The following XBP1 variants were observed in gnomAD, a reference collection of about 807,000 sequenced individuals.
The protein encoded by XBP1 is X-box-binding protein 1.
A neutral mutation model predicts 34.6 loss-of-function variants in XBP1; 18 were observed. The ratio of observed to expected loss-of-function variants is 0.52; its 90% CI spans 0.36 to 0.77. The LOEUF (loss-of-function observed/expected upper bound fraction) is 0.77. XBP1 is among the 30% of genes least tolerant of loss of function. XBP1 has a pLI of 0.00. For missense variants in XBP1, 422 were observed against 464.6 expected (o/e 0.91, Z 0.84); for synonymous variants, 191 against 193.4 (o/e 0.99, Z 0.11).
chr22:28,798,994 T>C (rs1347338983), intron 2 of XBP1, 63 bp downstream of exon 2: 4 of 1,352,222 alleles, frequency 3.0e-6, no homozygotes, highest in African/African-American at 1.4e-5. Flanking sequence ...GAAGCAAATA[T>C]CAGAACATTC....
chr22:28,797,437 GACT>G (rs1034690344), intron 2 of XBP1, among the ~76,000 whole-genome samples: 16 of 152,016 alleles, frequency 1.1e-4, no homozygotes, highest in Admixed American at 1.0e-3. Context: ...TACTAATACT[GACT>G]TCAGCAAAGG....
intron 3 of XBP1, chr22:28,796,497 G>T: frequency 4.3e-6 from 1 of 234,102 alleles, no homozygotes; most frequent in Non-Finnish European, 8.2e-6. Context: ...CAATGGTTAG[G>T]GAAAGATTTC....
exon 6 of XBP1, chr22:28,795,606 C>T: frequency 6.2e-7 from 1 of 1,614,088 alleles, no homozygotes; most frequent in South Asian, 1.1e-5. Flanking sequence ...GAAAGGGAGG[C>T]TGGTAAGGAA....
rs1226953170 is a variant in XBP1 at position 28,799,990 on chromosome 22, A to G, written c.227+308T>C. 1.2e-5 allele frequency: 9 copies of G among 779,626 alleles called. No individual in the cohort carries two copies. The East Asian group carries it at 1.9e-4, about 17-fold the overall frequency. The allele number at this position is 779,626 out of a possible 1,614,324, so 48.3% of individuals were successfully genotyped here. A position where few individuals can be genotyped will look rare whatever the true frequency, so the allele number is the denominator to read the frequency against. On this transcript the variant is annotated intron_variant, in intron 1 of 5. Transcript: ENST00000344347. ...GTCCGAGTTAAGAGGCTGAACCACC[A>G]GTCTGCGGCCACACAGCAAGAGGGC...
At chr22:28,795,837 G>T in intron 5 of XBP1, 105 bp from the exon 6 acceptor site, 1 of 1,319,972 alleles carries the variant, frequency 7.6e-7, no homozygotes, top group Non-Finnish European at 1.0e-6. Context: ...GTCATTATGT[G>T]ATAAGATGAC....
intron 1 of XBP1, 103 bp downstream of exon 1, chr22:28,800,195 C>T: frequency 1.5e-6 from 2 of 1,358,528 alleles, no homozygotes; most frequent in Non-Finnish European, 2.0e-6. Context: ...CGACGGAGCC[C>T]TGCGGGGCGG....
chr22:28,798,135 G>A (rs987047942), intron 2 of XBP1, among the ~76,000 whole-genome samples: 2 of 152,136 alleles, frequency 1.3e-5, no homozygotes, highest in Non-Finnish European at 2.9e-5. Context: ...TAAAGTTTAA[G>A]CAATTATTTC....
At chr22:28,795,024 G>C (rs1316790370), downstream of XBP1, 1 of 626,258 alleles carries the variant, frequency 1.6e-6, no homozygotes, top group East Asian at 3.1e-5. Context: ...CAATACCTGG[G>C]GGTCATCTAT....
downstream of XBP1, chr22:28,794,725 C>A (rs2031711249): frequency 6.5e-6 from 1 of 153,028 alleles, no homozygotes; most frequent in African/African-American, 2.4e-5. Flanking sequence ...GGGAAAGAGC[C>A]CCCTCAGCAG....
chr22:28,795,509 A>C lies in XBP1; in HGVS notation c.797T>G (p.Leu266Ter). 1 of 1,614,180 alleles carries C rather than the reference A, an allele frequency of 6.2e-7. No homozygotes were observed. Among genetic ancestry groups the C allele is most frequent in the Non-Finnish European group, 8.5e-7 (1 of 1,180,020 alleles). ...GCTCTCTGTCTCAGAGGGTATCTCT[A>C]AGACTAGGGGCTTGGTATATATGTG... The change falls in exon 6 of 6, where the codon TTA becomes TGA. Residue 266 changes from leucine to a stop codon, truncating the protein, a stop_gained. Transcript: ENST00000344347. LOFTEE classifies it high-confidence loss of function.
In XBP1 at chr22:28,800,372, C is replaced by T. The variant is rs1601439919; in HGVS notation, c.153G>A (p.Ala51=). 9.7e-6 allele frequency: 15 copies of T among 1,540,078 alleles called. No individual in the cohort carries two copies. The African/African-American group carries it at 1.0e-4, about 10-fold the overall frequency. ...TGCGCGCCTGGGGCAGCCCCCCGCT[C>T]GCTGCCTCCGGGCTGGCCCCTCTCT... Residue 51 remains alanine (A), a synonymous_variant, in exon 1 of 6, where the codon GCG becomes GCA. Coordinates refer to ENST00000344347, the Ensembl canonical transcript of XBP1.
intron 3 of XBP1, 142 bp from the exon 4 acceptor site, chr22:28,796,334 A>C (rs1464024856): frequency 7.2e-6 from 5 of 696,316 alleles, no homozygotes; most frequent in Non-Finnish European, 1.1e-5. Context: ...TTATCTAACA[A>C]CATTATTATT....
At chr22:28,794,976 A>G (rs142331338), downstream of XBP1, 139 of 428,504 alleles carry the variant, frequency 3.2e-4, no homozygotes, top group East Asian at 4.6e-3. Flanking sequence ...ACTTCCAGTA[A>G]TATGTCTCAA....
exon 6 of XBP1, chr22:28,795,362 C>G (rs533270808): frequency 3.4e-5 from 52 of 1,551,874 alleles, no homozygotes; most frequent in Admixed American, 5.9e-5. Context: ...ATTTGAGATA[C>G]CCAGCTCCGG....
In XBP1 at chr22:28,800,424, T is replaced by G; in HGVS notation, c.101A>C (p.Gln34Pro). ...GGCTGGCACCATGAGCGGCAGGGCCTGGCCGGCCGGGGCTCCGGCGGCGGA... is the reference window on the plus strand; with the variant it reads ...GGCTGGCACCATGAGCGGCAGGGCCGGGCCGGCCGGGGCTCCGGCGGCGGA... The change falls in exon 1 of 6, where the codon CAG becomes CCG. Residue 34 changes from glutamine to proline, a missense_variant. By Grantham distance (76) the Gln-to-Pro change is moderately conservative. This residue lies in a region of XBP1 where 121 missense variants were observed against 98.4 expected (regional missense o/e 1.23). Transcript: ENST00000344347. 2.7e-6 allele frequency: 4 copies of G among 1,492,810 alleles called. No homozygotes were observed. In the South Asian group the frequency reaches 5.1e-5, roughly 19 times the overall value. 92.5% of individuals were successfully genotyped at this position (1,492,810 alleles called of 1,614,324 possible). A position where few individuals can be genotyped will look rare whatever the true frequency, so the allele number is the denominator to read the frequency against.
chr22:28,797,096 T>A, exon 3 of XBP1: 1 of 1,611,058 alleles, frequency 6.2e-7, no homozygotes, highest in Non-Finnish European at 8.5e-7. Flanking sequence ...CGCCTCCTCT[T>A]CAGCAACCAG....
intron 2 of XBP1, chr22:28,798,768 C>CTTTTTTTTTTTTTT (rs71196604): frequency 1.6e-5 from 2 of 125,154 alleles, no homozygotes; most frequent in African/African-American, 3.4e-5. Flanking sequence ...CACGCTTGGC[C>CTTTTTTTTTTTTTT]TTTTTTTTTT....
intron 2 of XBP1, among the ~76,000 whole-genome samples, chr22:28,797,847 C>T (rs1390202174): frequency 2.0e-5 from 3 of 151,554 alleles, no homozygotes; most frequent in Non-Finnish European, 4.4e-5. Flanking sequence ...CTATCTTGAA[C>T]TGGCAGGTAA....
chr22:28,797,398 G>A (rs1292453937), intron 2 of XBP1, among the ~76,000 whole-genome samples, 193 bp from the exon 3 acceptor site: 2 of 152,158 alleles, frequency 1.3e-5, no homozygotes, highest in African/African-American at 2.4e-5. Context: ...GCCACTTCAT[G>A]GGGTCAAGAA....
Sources: allele counts gnomAD v4.1 joint callset (sites outside exome capture counted in the v4.1 genomes callset), GRCh38; gene constraint gnomAD v4.1.1; regional missense constraint gnomAD v4.1.1; transcripts MANE v1.5; gene names NCBI Gene and HGNC (gene_info 2026-07-23, HGNC 2026-07-21).